The following TJP1 variants were observed in gnomAD, a reference collection of about 807,000 sequenced individuals.
TJP1 encodes tight junction protein ZO-1.
In TJP1, 43 loss-of-function variants were observed where a neutral mutation model predicts 194.2. The ratio of observed to expected loss-of-function variants is 0.22; its 90% CI spans 0.17 to 0.29. The LOEUF (loss-of-function observed/expected upper bound fraction) is 0.29. Ranked by LOEUF, TJP1 falls within the 10% of genes least tolerant of loss-of-function variation. The pLI is 1.00. For synonymous variants in TJP1, 801 were observed against 779.0 expected (o/e 1.03, Z -0.47); for missense variants, 1,971 against 2,185.7 (o/e 0.90, Z 1.96).
chr15:29,739,674 T>C (rs1482843816), intron 10 of TJP1, among the ~76,000 whole-genome samples: 1 of 152,070 alleles, frequency 6.6e-6, no homozygotes, highest in Non-Finnish European at 1.5e-5. Context: ...CTCAATCTCC[T>C]GACCTGGTGA....
At chr15:29,901,379 T>G (rs2053630194) in intron 2 of TJP1, among the ~76,000 whole-genome samples, 1 of 152,194 alleles carries the variant, frequency 6.6e-6, no homozygotes, top group African/African-American at 2.4e-5. Context: ...AACATTACCT[T>G]GTACACCTCC....
At chr15:29,759,837 T>G (rs2045884714) in intron 8 of TJP1, 1 of 193,292 alleles carries the variant, frequency 5.2e-6, no homozygotes, top group East Asian at 1.3e-4. Flanking sequence ...TCATTGTGTG[T>G]GTGAACATTT....
chr15:29,750,618 C>CTA (rs1355118833), intron 8 of TJP1, among the ~76,000 whole-genome samples: 1 of 152,166 alleles, frequency 6.6e-6, no homozygotes, highest in African/African-American at 2.4e-5. Context: ...CCTCTTACTT[C>CTA]TAGCTCTATG....
intron 2 of TJP1, among the ~76,000 whole-genome samples, chr15:29,903,750 G>A (rs533419218): frequency 6.6e-6 from 1 of 152,204 alleles, no homozygotes; most frequent in Admixed American, 6.5e-5. Context: ...GGCCCAAGTT[G>A]CAGAATCTTA....
chr15:29,949,508 ACCTCCACCT>A (rs2055494028), intron 2 of TJP1, among the ~76,000 whole-genome samples: 1 of 120,682 alleles, frequency 8.3e-6, no homozygotes, highest in Non-Finnish European at 1.7e-5. Flanking sequence ...CACAACCACC[ACCTCCACCT>A]CCACCACCAC....
rs144036536 is a variant in TJP1, at chr15:29,924,909, C to T, written c.306+31323G>A. Among the ~76,000 whole-genome samples the T allele has an allele frequency of 9.2e-5, 14 of 152,316 alleles. 2 individuals carry two copies. The East Asian group carries it at 2.7e-3, about 29-fold the overall frequency. On this transcript the variant is annotated intron_variant, in intron 2 of 28. Transcript: ENST00000356107. Reference sequence around the variant, plus strand: ...CTGACTCCTCCCCATAGTCCCAGTGCTTAAATTCCAAGGTACTTAGCTTTT... The same window carrying T: ...CTGACTCCTCCCCATAGTCCCAGTGTTTAAATTCCAAGGTACTTAGCTTTT...
At chr15:29,963,524 T>C (rs1334396597) in intron 1 of TJP1, among the ~76,000 whole-genome samples, 1 of 152,240 alleles carries the variant, frequency 6.6e-6, no homozygotes, top group Admixed American at 6.5e-5. Context: ...ATCTGATTAT[T>C]AGATGACTAC....
intron 8 of TJP1, among the ~76,000 whole-genome samples, chr15:29,752,646 C>T (rs948564206): frequency 6.6e-6 from 1 of 152,070 alleles, no homozygotes; most frequent in East Asian, 1.9e-4. Context: ...ACCTGAAATC[C>T]CCTCAAACTG....
intron 1 of TJP1, among the ~76,000 whole-genome samples, chr15:29,801,713 G>C (rs549001249): frequency 6.6e-6 from 1 of 151,486 alleles, no homozygotes; most frequent in Non-Finnish European, 1.5e-5. Context: ...CGCCCGCCTC[G>C]GCCTCCCAAA....
intron 2 of TJP1, among the ~76,000 whole-genome samples, chr15:29,833,086 T>C (rs1404878031): frequency 6.6e-6 from 1 of 152,170 alleles, no homozygotes; most frequent in Non-Finnish European, 1.5e-5. Context: ...CTTGCAAATG[T>C]TGGATCCAGG....
chr15:29,953,140 A>ATTTTT lies in TJP1; in HGVS notation c.306+3087_306+3091dup, dbSNP rs71416442. ...TTCCTTCTTTCATAAAAGAAGACAGATTTTTTTTTTTTTTTTTTTGCAACG... is the reference window on the plus strand; with the variant it reads ...TTCCTTCTTTCATAAAAGAAGACAGATTTTTTTTTTTTTTTTTTTTTTTTGCAACG... On this transcript the variant is annotated intron_variant, in intron 2 of 28. Transcript: ENST00000356107. Among the ~76,000 whole-genome samples the ATTTTT allele has an allele frequency of 3.6e-4, 40 of 110,994 alleles. 7 individuals carry two copies. The highest frequency in any genetic ancestry group is 3.8e-4 in the Non-Finnish European group (21 of 55,920). 72.8% of individuals were successfully genotyped at this position (110,994 alleles called of 152,430 possible). A position where few individuals can be genotyped will look rare whatever the true frequency, so the allele number is the denominator to read the frequency against.
At chr15:29,848,410 T>G (rs969685673) in intron 2 of TJP1, among the ~76,000 whole-genome samples, 4 of 152,246 alleles carry the variant, frequency 2.6e-5, no homozygotes, top group Admixed American at 6.5e-5. Flanking sequence ...CATATGAACA[T>G]TTATATTTTA....
intron 2 of TJP1, among the ~76,000 whole-genome samples, chr15:29,845,943 T>C (rs908606945): frequency 2.6e-5 from 4 of 152,176 alleles, no homozygotes; most frequent in Admixed American, 1.3e-4. Flanking sequence ...CATGAGCTTC[T>C]CAATTCCCAG....
rs1233468193 is a variant in TJP1, at chr15:29,822,431, T to C, written c.-403A>G. 3 of 988,308 alleles carry C rather than the reference T, an allele frequency of 3.0e-6. No individual in the cohort carries two copies. Among genetic ancestry groups the C allele is most frequent in the Admixed American group, 1.2e-4 (2 of 16,336 alleles). The allele number at this position is 988,308 out of a possible 1,614,324, so 61.2% of individuals were successfully genotyped here. ...CCGGCGGCCGCCAAGGAACGCGGCGTCCGCTGGCTCAGCCGGCGCCGGCAA... is the reference window on the plus strand; with the variant it reads ...CCGGCGGCCGCCAAGGAACGCGGCGCCCGCTGGCTCAGCCGGCGCCGGCAA... On this transcript the variant is annotated 5_prime_UTR_variant, in exon 1 of 28. Transcript: ENST00000614355.
In TJP1 at chr15:29,822,193, G is replaced by C. The variant is rs2050437484; in HGVS notation, c.-165C>G. The C allele has an allele frequency of 1.2e-5, 14 of 1,181,532 alleles. No homozygotes were observed. The highest frequency in any genetic ancestry group is 3.5e-5 in the East Asian group (1 of 28,400). 73.2% of individuals were successfully genotyped at this position (1,181,532 alleles called of 1,614,324 possible). ...GGCCCAGGGGGAGGGAATTCAACTC[G>C]GACAAAAGTCCGGGAAGCGCCCGCC... On this transcript the variant is annotated 5_prime_UTR_variant, in exon 1 of 28. Coordinates refer to ENST00000614355, the MANE Select transcript of TJP1 (RefSeq NM_001330239.4).
At chr15:29,949,449 T>C (rs372429651) in intron 2 of TJP1, among the ~76,000 whole-genome samples, 2,079 of 35,442 alleles carry the variant, frequency 0.059, no homozygotes, top group Middle Eastern at 0.083. Context: ...ACCTCCACCT[T>C]CACCACCACT....
intron 2 of TJP1, among the ~76,000 whole-genome samples, chr15:29,834,187 A>AT (rs1364934984): frequency 5.4e-5 from 8 of 149,320 alleles, no homozygotes; most frequent in Admixed American, 4.0e-4. Context: ...GGCCGTAAGT[A>AT]TATTTTTTAA....
At chr15:29,885,649 G>A (rs1227856582) in intron 2 of TJP1, among the ~76,000 whole-genome samples, 1 of 152,174 alleles carries the variant, frequency 6.6e-6, no homozygotes, top group Non-Finnish European at 1.5e-5. Context: ...AGAAGCAGGG[G>A]AAAGAAAACA....
At chr15:29,934,774 A>T (rs745620666) in intron 2 of TJP1, among the ~76,000 whole-genome samples, 1 of 152,264 alleles carries the variant, frequency 6.6e-6, no homozygotes, top group Non-Finnish European at 1.5e-5. Flanking sequence ...TTCAACTTCA[A>T]ATACAAACTT....
Sources: gnomAD v4.1 joint callset for allele counts (sites outside exome capture counted in the v4.1 genomes callset) on GRCh38, gnomAD v4.1.1 for gene constraint, MANE v1.5 for transcripts, NCBI Gene and HGNC (gene_info 2026-07-23, HGNC 2026-07-21) for gene names.